The following LRRC1 variants were observed in gnomAD, a reference collection of about 807,000 sequenced individuals.
LRRC1 encodes the protein leucine-rich repeat-containing protein 1.
LRRC1 carries 28 observed loss-of-function variants against 69.9 expected under a neutral mutation model. That is an observed-to-expected ratio of 0.40 (90% CI 0.30 to 0.55). The LOEUF is 0.55. Among genes scored for constraint, LRRC1 ranks in the 20% least tolerant of loss-of-function variants. LRRC1 has a pLI of 0.47. For synonymous variants in LRRC1, 236 were observed against 240.2 expected, an observed-to-expected ratio of 0.98 and a Z score of 0.16; for missense variants, 498 against 609.0, an observed-to-expected ratio of 0.82 and a Z score of 1.92.
In LRRC1 at chr6:53,900,996, A is replaced by G. The variant is rs1445979621; in HGVS notation, c.787+1105A>G. On this transcript the variant is annotated intron_variant, in intron 8 of 13. Transcript: ENST00000370888. Reference sequence around the variant, plus strand: ...GGTATGTGGTCAAGATGAAAATTTCAGTAGAAATTCAGACATTGTGTTTTG... The same window carrying G: ...GGTATGTGGTCAAGATGAAAATTTCGGTAGAAATTCAGACATTGTGTTTTG... Among the ~76,000 whole-genome samples the G allele has an allele frequency of 2.6e-5, 4 of 152,356 alleles. No homozygotes were observed. In the East Asian group the frequency reaches 7.7e-4, roughly 29 times the overall value.
At chr6:53,827,784 C>CA (rs1436967966) in intron 1 of LRRC1, among the ~76,000 whole-genome samples, 2 of 152,096 alleles carry the variant, frequency 1.3e-5, no homozygotes, top group African/African-American at 4.8e-5. Context: ...CCTTGTCTTT[C>CA]AAAGTTCAAT....
At chr6:53,830,178 G>A (rs997889455) in intron 1 of LRRC1, among the ~76,000 whole-genome samples, 5 of 152,246 alleles carry the variant, frequency 3.3e-5, no homozygotes, top group African/African-American at 1.2e-4. Context: ...GGCCAGGAGT[G>A]TTAGTTCCAC....
At chr6:53,890,653 AAAAT>A (rs1021451829) in intron 4 of LRRC1, among the ~76,000 whole-genome samples, 4 of 152,198 alleles carry the variant, frequency 2.6e-5, no homozygotes, top group South Asian at 2.1e-4. Flanking sequence ...TTCAAAAACA[AAAAT>A]AAAGATTTTT....
chr6:53,897,473 A>G (rs1479673159), intron 7 of LRRC1, 114 bp downstream of exon 7: 2 of 696,974 alleles, frequency 2.9e-6, no homozygotes, highest in East Asian at 2.9e-5. Context: ...AACCAAAAAC[A>G]TTGATTGAAA....
chr6:53,858,004 A>G (rs1278040838), intron 2 of LRRC1, among the ~76,000 whole-genome samples: 1 of 152,220 alleles, frequency 6.6e-6, no homozygotes, highest in African/African-American at 2.4e-5. Flanking sequence ...AGCGTCTGGC[A>G]TGGGTGTAAG....
At chr6:53,871,910 G>A (rs185886588) in intron 2 of LRRC1, among the ~76,000 whole-genome samples, 16 of 152,098 alleles carry the variant, frequency 1.1e-4, no homozygotes, top group Admixed American at 3.9e-4. Flanking sequence ...TCAGGTGATC[G>A]GCCCGCCTTG....
intron 2 of LRRC1, among the ~76,000 whole-genome samples, chr6:53,862,355 A>T (rs1766558154): frequency 6.6e-6 from 1 of 151,482 alleles, no homozygotes. Flanking sequence ...TTGGAAGAAG[A>T]GTAAGTAAAA....
intron 2 of LRRC1, among the ~76,000 whole-genome samples, chr6:53,846,776 C>A (rs961959704): frequency 3.3e-5 from 5 of 152,174 alleles, no homozygotes; most frequent in African/African-American, 9.7e-5. Flanking sequence ...TGGTGAAATG[C>A]GTATGCTTCA....
intron 2 of LRRC1, among the ~76,000 whole-genome samples, chr6:53,871,885 C>T (rs1581889507): frequency 6.6e-6 from 1 of 152,192 alleles, no homozygotes; most frequent in Non-Finnish European, 1.5e-5. Context: ...CCAGGCTGGT[C>T]TCGAACTCCT....
chr6:53,814,566 G>T (rs1484648642), intron 1 of LRRC1, among the ~76,000 whole-genome samples: 2 of 152,230 alleles, frequency 1.3e-5, no homozygotes, highest in African/African-American at 4.8e-5. Context: ...TCAGCAGTGA[G>T]TCCCCAAGGT....
At chr6:53,813,510 G>T (rs1408421709) in intron 1 of LRRC1, among the ~76,000 whole-genome samples, 1 of 149,268 alleles carries the variant, frequency 6.7e-6, no homozygotes, top group African/African-American at 2.5e-5. Context: ...TGGAAGGTGG[G>T]CCTGCTGTTA....
At position 53,822,725 on chromosome 6, in the gene LRRC1, C is replaced by T. The variant is rs148556779; in HGVS notation, c.160-19385C>T. ...CACTGACTGTAACTAAATTCTCTCT[C>T]ACTCAGTTTTTTCCTACTCTTGGTC... is the stretch of plus-strand genomic sequence containing the variant. On this transcript the variant is annotated intron_variant, in intron 1 of 13. Coordinates refer to ENST00000370888, the MANE Select transcript of LRRC1 (RefSeq NM_018214.5). Among the ~76,000 whole-genome samples the T allele has an allele frequency of 6.6e-4, 100 of 152,344 alleles. 2 individuals carry two copies. The highest frequency in any genetic ancestry group is 2.2e-3 in the African/African-American group (91 of 41,582).
rs762684607 is a variant in LRRC1 at position 53,795,415 on chromosome 6, G to C, written c.159G>C (p.Glu53Asp). ...CCAACCAGCTCCGCGAGCTGCCCGA[G>C]GTAAGGGTCCGGCCTCACCTGAGCG... ...LDANQLRELP[E>D]QFFQLVKLRK... is the part of the protein sequence containing the mutation. The change falls in exon 1 of 14, where the codon GAG becomes GAC. Residue 53 changes from glutamate (E) to aspartate (D), a missense_variant and splice_region_variant. Physicochemically the swap from Glu to Asp is conservative, Grantham distance 45. Transcript: ENST00000370888. The C allele has an allele frequency of 1.9e-6, 3 of 1,610,444 alleles. No individual in the cohort carries two copies. The highest frequency in any genetic ancestry group is 1.7e-5 in the Admixed American group (1 of 59,888).
At chr6:53,913,415 T>C (rs1239071913) in intron 10 of LRRC1, among the ~76,000 whole-genome samples, 1 of 151,946 alleles carries the variant, frequency 6.6e-6, no homozygotes, top group Non-Finnish European at 1.5e-5. Flanking sequence ...GTTAATATAA[T>C]GGGCAAGTCT....
At chr6:53,866,162 A>G (rs576272897) in intron 2 of LRRC1, among the ~76,000 whole-genome samples, 2 of 152,238 alleles carry the variant, frequency 1.3e-5, no homozygotes, top group East Asian at 3.9e-4. Context: ...TGTAAAAACC[A>G]TCCTGGGCCA....
chr6:53,872,685 AC>A (rs993886669), intron 2 of LRRC1, among the ~76,000 whole-genome samples: 70 of 151,398 alleles, frequency 4.6e-4, no homozygotes, highest in Non-Finnish European at 2.1e-4. Flanking sequence ...TGGTATTTTG[AC>A]AGCAATTGCA....
chr6:53,895,992 A>G (rs1027700301), intron 4 of LRRC1, among the ~76,000 whole-genome samples: 3 of 152,250 alleles, frequency 2.0e-5, no homozygotes, highest in African/African-American at 7.2e-5. Context: ...ATTTATGATC[A>G]TAAGTAGATC....
intron 4 of LRRC1, among the ~76,000 whole-genome samples, chr6:53,893,108 C>G (rs1003974839): frequency 2.6e-5 from 4 of 152,138 alleles, no homozygotes; most frequent in Non-Finnish European, 5.9e-5. Flanking sequence ...TCTGAAGACC[C>G]TGACTCAAGG....
At chr6:53,836,600 A>G (rs1350343085) in intron 1 of LRRC1, among the ~76,000 whole-genome samples, 1 of 152,132 alleles carries the variant, frequency 6.6e-6, no homozygotes, top group Admixed American at 6.5e-5. Flanking sequence ...GGTAATTGGT[A>G]TTTTCCTTCC....
Sources: allele counts gnomAD v4.1 joint callset (sites outside exome capture counted in the v4.1 genomes callset), GRCh38; gene constraint gnomAD v4.1.1; transcripts MANE v1.5; gene names NCBI Gene and HGNC (gene_info 2026-07-23, HGNC 2026-07-21).